Variants in CUL4B observed in about 807,000 individuals in gnomAD.
CUL4B encodes the protein cullin 4B.
CUL4B carries 1 observed loss-of-function variant against 69.2 expected under a neutral mutation model. That is an observed-to-expected ratio of 0.01 (90% confidence interval 0.01 to 0.07). The LOEUF (loss-of-function observed/expected upper bound fraction) is 0.07. Ranked by LOEUF, CUL4B falls within the 10% of genes least tolerant of loss-of-function variation. The pLI, the probability that CUL4B is intolerant of heterozygous loss-of-function variation, is 1.00. For synonymous variants in CUL4B, 237 were observed against 223.2 expected (o/e 1.06, Z -0.55); for missense variants, 328 against 638.8 (o/e 0.51, Z 5.24).
chrX:120,531,689 A>AC (rs1437370096), intron 18 of CUL4B, among the ~76,000 whole-genome samples: 1 of 110,580 alleles, frequency 9.0e-6, no homozygotes, highest in East Asian at 2.8e-4. Context: ...TGAACTCCTG[A>AC]CCTCAGGTGA....
rs144046487 is a variant in CUL4B at position 120,534,723 on chromosome X, G to A, written c.2161-137C>T. ...GCATTATCCAGCAAAGCCACTTGACGTGGTAATACAGTATTTCAGTGTGAG... is the reference window on the plus strand; with the variant it reads ...GCATTATCCAGCAAAGCCACTTGACATGGTAATACAGTATTTCAGTGTGAG... On this transcript the variant is annotated intron_variant, in intron 16 of 19. Transcript: ENST00000371322. 1.8e-3 allele frequency: 887 copies of A among 490,947 alleles called. 6 individuals carry two copies. In the African/African-American group the frequency reaches 0.019, roughly 10 times the overall value. The allele number at this position is 490,947 out of a possible 1,213,427, so 40.5% of individuals were successfully genotyped here. A position where few individuals can be genotyped will look rare whatever the true frequency, so the allele number is the denominator to read the frequency against.
chrX:120,566,369 A>ATATG (rs1556253204), upstream of CUL4B, among the ~76,000 whole-genome samples: 5 of 56,465 alleles, frequency 8.9e-5, no homozygotes, highest in East Asian at 9.3e-4. Flanking sequence ...ATATATATAT[A>ATATG]TATATATATA....
upstream of CUL4B, chrX:120,561,253 T>C (rs1356972489): frequency 1.9e-6 from 1 of 515,035 alleles, no homozygotes; most frequent in African/African-American, 2.3e-5. Context: ...AGTTCGCTCC[T>C]GCTCCCGCTC....
chrX:120,547,096 A>G, intron 3 of CUL4B, 40 bp downstream of exon 3: 1 of 942,478 alleles, frequency 1.1e-6, no homozygotes, highest in Admixed American at 2.2e-5. Flanking sequence ...ACAGAGAGGA[A>G]GACAAAACTA....
intron 19 of CUL4B, 126 bp from the exon 20 acceptor site, chrX:120,526,982 A>C (rs1470628468): frequency 2.9e-6 from 1 of 345,136 alleles, no homozygotes; most frequent in Non-Finnish European, 5.1e-6. Context: ...TAAAATTTTT[A>C]TTTATTTAAA....
At chrX:120,528,968 G>A (rs1047789222) in intron 19 of CUL4B, among the ~76,000 whole-genome samples, 20 of 111,588 alleles carry the variant, frequency 1.8e-4, no homozygotes, top group Admixed American at 1.5e-3. Flanking sequence ...AAGTTTTTCA[G>A]GATAAGTAAA....
At chrX:120,570,348 C>T (rs756118747), downstream of CUL4B, among the ~76,000 whole-genome samples, 25 of 112,250 alleles carry the variant, frequency 2.2e-4, no homozygotes, top group African/African-American at 7.4e-4. Context: ...GAAACCACAG[C>T]CCATGGACCA....
At chrX:120,555,611 TTATTCAA>T (rs1183500493) in intron 2 of CUL4B, among the ~76,000 whole-genome samples, 2 of 110,320 alleles carry the variant, frequency 1.8e-5, no homozygotes, top group African/African-American at 6.6e-5. Flanking sequence ...TCTGGGCAGG[TTATTCAA>T]CTTCTCTGAG....
At chrX:120,528,422 A>G (rs1923120933) in intron 19 of CUL4B, among the ~76,000 whole-genome samples, 1 of 99,194 alleles carries the variant, frequency 1.0e-5, no homozygotes, top group Admixed American at 1.1e-4. Context: ...AAAAAAAAAA[A>G]ATCACTATTT....
At chrX:120,528,614 G>A (rs747241249) in intron 19 of CUL4B, among the ~76,000 whole-genome samples, 1 of 109,607 alleles carries the variant, frequency 9.1e-6, no homozygotes, top group African/African-American at 3.3e-5. Context: ...CCAGCTACTC[G>A]AGAGGCTGAG....
chrX:120,551,965 G>A (rs1924715150), intron 2 of CUL4B, among the ~76,000 whole-genome samples: 1 of 111,511 alleles, frequency 9.0e-6, no homozygotes, highest in African/African-American at 3.3e-5. Flanking sequence ...ATAAGAAGGT[G>A]TTTGAGATAA....
intron 2 of CUL4B, among the ~76,000 whole-genome samples, chrX:120,556,949 T>C (rs1925010458): frequency 9.2e-6 from 1 of 108,683 alleles, no homozygotes; most frequent in Non-Finnish European, 1.9e-5. Context: ...TTCACTCTTG[T>C]TGCCCAGGCT....
At chrX:120,569,612 G>A (rs1287148586), downstream of CUL4B, among the ~76,000 whole-genome samples, 7 of 111,328 alleles carry the variant, frequency 6.3e-5, 1 homozygote, top group Non-Finnish European at 1.9e-5. Flanking sequence ...CAACCGCCTC[G>A]GCCTCCCAAA....
At position 120,536,960 on chromosome X, in the gene CUL4B, T is replaced by C; in HGVS notation, c.2013A>G (p.Thr671=). The C allele has an allele frequency of 8.3e-7, 1 of 1,207,739 alleles. No individual in the cohort carries two copies. Among genetic ancestry groups the C allele is most frequent in the Non-Finnish European group, 1.1e-6 (1 of 891,776 alleles). ...GTAAATGAACTTCCATAGGCACATA[T>C]GTCGGCCAATAGCCCATTGTCAGGA... ...VNILTMGYWP[T]YVPMEVHLPP... Residue 671 remains threonine, a synonymous_variant, in exon 15 of 20, where the codon ACA becomes ACG. Transcript: ENST00000371322.
chrX:120,560,723 C>A lies in CUL4B; in HGVS notation c.-85G>T. On this transcript the variant is annotated 5_prime_UTR_variant, in exon 1 of 20. Coordinates refer to ENST00000371322, the MANE Select transcript of CUL4B (RefSeq NM_001079872.2). ...GCGTGTAGGAGAGAAGGTAGCAATG[C>A]TAGAGGGGGAAGGGAAGAAAGAAGA... 1 of 1,131,519 alleles carries A rather than the reference C, an allele frequency of 8.8e-7. No homozygotes were observed. The highest frequency in any genetic ancestry group is 1.2e-6 in the Non-Finnish European group (1 of 860,689). The allele number at this position is 1,131,519 out of a possible 1,213,427, so 93.2% of individuals were successfully genotyped here. A position where few individuals can be genotyped will look rare whatever the true frequency, so the allele number is the denominator to read the frequency against.
chrX:120,558,871 A>G (rs1359278627), intron 1 of CUL4B, among the ~76,000 whole-genome samples: 2 of 111,980 alleles, frequency 1.8e-5, no homozygotes, highest in Admixed American at 1.9e-4. Flanking sequence ...ATCATAACTC[A>G]TTTAAAAATC....
chrX:120,559,077 T>G (rs1254773804), intron 1 of CUL4B, among the ~76,000 whole-genome samples: 3 of 110,611 alleles, frequency 2.7e-5, no homozygotes, highest in Non-Finnish European at 5.7e-5. Flanking sequence ...TAGAGCATAC[T>G]CCTGATTTCC....
chrX:120,566,347 A>G (rs1454681951), upstream of CUL4B, among the ~76,000 whole-genome samples: 10 of 12,457 alleles, frequency 8.0e-4, no homozygotes, highest in East Asian at 0.015. Flanking sequence ...GTGTATAGGT[A>G]TATATATATA....
Position 120,560,066 on chromosome X carries a change from A to G in CUL4B, c.556+17T>C. The G allele has an allele frequency of 8.3e-7, 1 of 1,211,453 alleles. No homozygotes were observed. The highest frequency in any genetic ancestry group is 1.1e-6 in the Non-Finnish European group (1 of 895,241). On this transcript the variant is annotated intron_variant, in intron 1 of 19. Transcript: ENST00000371322. ...TCAAATCCTTATTAGGTGATTATGG[A>G]TTTTGGCCTTGGTTACCTTTAAAGT... is the stretch of plus-strand genomic sequence containing the variant.
Sources: gnomAD v4.1 joint callset for allele counts (sites outside exome capture counted in the v4.1 genomes callset) on GRCh38, gnomAD v4.1.1 for gene constraint, MANE v1.5 for transcripts, NCBI Gene and HGNC (gene_info 2026-07-23, HGNC 2026-07-21) for gene names.